Variants in PTPRD observed in about 807,000 individuals in gnomAD.
PTPRD encodes protein tyrosine phosphatase receptor type D.
A neutral mutation model predicts 214.5 loss-of-function variants in PTPRD; 34 were observed. The ratio of observed to expected loss-of-function variants is 0.16; its 90% CI spans 0.12 to 0.21. The LOEUF is 0.21. Ranked by LOEUF, PTPRD falls within the 10% of genes least tolerant of loss-of-function variation. The pLI is 1.00. For synonymous variants in PTPRD, 1,128 were observed against 845.7 expected, an observed-to-expected ratio of 1.33 and a Z score of -5.79; for missense variants, 2,545 against 2,398.7, an observed-to-expected ratio of 1.06 and a Z score of -1.27.
chr9:9,072,635 C>G (rs961430374), intron 10 of PTPRD, among the ~76,000 whole-genome samples: 1 of 152,174 alleles, frequency 6.6e-6, no homozygotes, highest in Non-Finnish European at 1.5e-5. Context: ...TCTACATAGT[C>G]AGTATCTATC....
intron 2 of PTPRD, among the ~76,000 whole-genome samples, chr9:10,564,229 T>A (rs1306209621): frequency 7.5e-6 from 1 of 133,170 alleles, no homozygotes; most frequent in African/African-American, 2.8e-5. Context: ...TGCCTAGGCT[T>A]GTCTGGAATT....
intron 11 of PTPRD, among the ~76,000 whole-genome samples, chr9:8,837,319 C>T (rs1258274439): frequency 6.6e-6 from 1 of 151,874 alleles, no homozygotes; most frequent in Non-Finnish European, 1.5e-5. Flanking sequence ...CTGACAAGAA[C>T]TTATTTTAAA....
At chr9:10,278,512 G>GT (rs1361867634) in intron 3 of PTPRD, among the ~76,000 whole-genome samples, 1 of 152,106 alleles carries the variant, frequency 6.6e-6, no homozygotes, top group Non-Finnish European at 1.5e-5. Flanking sequence ...AAGATTCTAA[G>GT]TAAGATTCCA....
rs2093901102 is a variant in PTPRD, at chr9:8,589,089, T to G, written c.352+44228A>C. ...TAGAAAATTTTGAGTGATATATAAG[T>G]ATATACCATCAACATTATTCAGAAT... On this transcript the variant is annotated intron_variant, in intron 14 of 45. Coordinates refer to ENST00000381196, the MANE Select transcript of PTPRD (RefSeq NM_002839.4). 3.3e-5 allele frequency among the ~76,000 whole-genome samples: 5 copies of G among 152,326 alleles called. No homozygotes were observed. In the South Asian group the frequency reaches 1.0e-3, roughly 32 times the overall value.
chr9:9,067,037 G>C (rs1036203133), intron 10 of PTPRD, among the ~76,000 whole-genome samples: 1 of 152,230 alleles, frequency 6.6e-6, no homozygotes, highest in African/African-American at 2.4e-5. Context: ...GAGGTCAGGA[G>C]TTGGAGACCA....
intron 10 of PTPRD, among the ~76,000 whole-genome samples, chr9:9,092,002 T>C (rs2099776872): frequency 6.6e-6 from 1 of 152,170 alleles, no homozygotes; most frequent in Admixed American, 6.5e-5. Flanking sequence ...TTCTCTCAGT[T>C]TATCTTTGGG....
intron 3 of PTPRD, among the ~76,000 whole-genome samples, chr9:10,208,252 G>T (rs2057473): frequency 2.0e-5 from 3 of 151,654 alleles, no homozygotes; most frequent in Admixed American, 6.6e-5. Flanking sequence ...CGGTGGCTCA[G>T]GCCCGTAATC....
At chr9:9,488,011 G>C (rs1249895523) in intron 8 of PTPRD, among the ~76,000 whole-genome samples, 2 of 152,012 alleles carry the variant, frequency 1.3e-5, no homozygotes, top group Non-Finnish European at 2.9e-5. Flanking sequence ...TATACTATTT[G>C]TGTGCCATAA....
At chr9:8,492,716 T>C (rs368953265) in intron 27 of PTPRD, 146 bp downstream of exon 27, 2 of 438,432 alleles carry the variant, frequency 4.6e-6, no homozygotes, top group Admixed American at 4.0e-5. Context: ...TTTTTTTTTT[T>C]ACCCCTGAAC....
intron 8 of PTPRD, chr9:9,442,398 C>T (rs1255819430): frequency 6.6e-6 from 1 of 152,198 alleles, no homozygotes; most frequent in Admixed American, 6.5e-5. Context: ...GGTAACTTTT[C>T]ATTCTAATGC....
At chr9:8,691,234 A>C (rs1263603670) in intron 12 of PTPRD, among the ~76,000 whole-genome samples, 1 of 151,940 alleles carries the variant, frequency 6.6e-6, no homozygotes, top group Non-Finnish European at 1.5e-5. Flanking sequence ...AAAAAAAAAG[A>C]AATGACATTT....
chr9:9,540,866 A>C (rs1041875397), intron 8 of PTPRD, among the ~76,000 whole-genome samples: 5 of 151,782 alleles, frequency 3.3e-5, no homozygotes, highest in Non-Finnish European at 5.9e-5. Flanking sequence ...GGTTCCACTT[A>C]CCGCTGGGAT....
Position 8,509,495 on chromosome 9 carries a change from A to G in PTPRD, c.1544-2061T>C, listed in dbSNP as rs555582990. Among the ~76,000 whole-genome samples, 5 of 152,282 alleles carry G rather than the reference A, an allele frequency of 3.3e-5. No individual in the cohort carries two copies. In the South Asian group the frequency reaches 1.0e-3, roughly 32 times the overall value. Reference sequence around the variant, plus strand: ...AAGTTTGTGTTAACTCCTGACTCAAACCAAACCGGACTACAGTATGGTCAA... The same window carrying G: ...AAGTTTGTGTTAACTCCTGACTCAAGCCAAACCGGACTACAGTATGGTCAA... On this transcript the variant is annotated intron_variant, in intron 21 of 45. Coordinates refer to ENST00000381196, the MANE Select transcript of PTPRD (RefSeq NM_002839.4).
chr9:8,983,213 A>G (rs2099322417), intron 11 of PTPRD, among the ~76,000 whole-genome samples: 1 of 152,068 alleles, frequency 6.6e-6, no homozygotes. Context: ...CTGGATGTGA[A>G]TGAAATCAAC....
At chr9:8,617,490 G>A (rs1029572768) in intron 14 of PTPRD, among the ~76,000 whole-genome samples, 1 of 152,090 alleles carries the variant, frequency 6.6e-6, no homozygotes, top group Non-Finnish European at 1.5e-5. Context: ...CATCAGATAT[G>A]TCACTTAGAT....
chr9:10,215,618 C>G (rs772479128), intron 3 of PTPRD, among the ~76,000 whole-genome samples: 2 of 151,896 alleles, frequency 1.3e-5, no homozygotes, highest in African/African-American at 4.8e-5. Context: ...CATGGACACA[C>G]CATATTACCC....
At chr9:10,588,553 A>G (rs1340780428) in intron 2 of PTPRD, among the ~76,000 whole-genome samples, 1 of 152,034 alleles carries the variant, frequency 6.6e-6, no homozygotes, top group Non-Finnish European at 1.5e-5. Context: ...TACTATTGAT[A>G]TTAGAAGATC....
intron 2 of PTPRD, among the ~76,000 whole-genome samples, chr9:10,343,179 C>A (rs1460422949): frequency 6.6e-6 from 1 of 151,942 alleles, no homozygotes; most frequent in Non-Finnish European, 1.5e-5. Context: ...ACCCTGTGTC[C>A]AGGTGATCTC....
At chr9:9,900,843 GC>G (rs2076238097) in intron 5 of PTPRD, among the ~76,000 whole-genome samples, 1 of 152,002 alleles carries the variant, frequency 6.6e-6, no homozygotes, top group Admixed American at 6.6e-5. Context: ...CACCATGTTG[GC>G]TAGGATGGTC....
Sources: allele counts gnomAD v4.1 joint callset (sites outside exome capture counted in the v4.1 genomes callset), GRCh38; gene constraint gnomAD v4.1.1; transcripts MANE v1.5; gene names NCBI Gene and HGNC (gene_info 2026-07-23, HGNC 2026-07-21).